Variants in CATSPERT observed in about 807,000 individuals in gnomAD.
CATSPERT encodes cation channel sperm-associated targeting subunit tau.
At chr2:201,522,667 G>C in the CATSPERT span, among the ~76,000 whole-genome samples, 5 of 152,336 alleles carry the variant, frequency 3.3e-5, no homozygotes, top group East Asian at 9.7e-4. Context: ...ATTTGAGCTG[G>C]CAGGGAGAGC....
At chr2:201,581,546 GTGTATATATATATATATATA>G in the CATSPERT span, among the ~76,000 whole-genome samples, 1 of 14,724 alleles carries the variant, frequency 6.8e-5, no homozygotes, top group Non-Finnish European at 1.2e-4. Flanking sequence ...AAAAAAATGT[GTGTATATATATATATATATA>G]TATATATATA....
chr2:201,535,661 A>C, the CATSPERT span: 1 of 1,179,668 alleles, frequency 8.5e-7, no homozygotes, highest in Non-Finnish European at 1.0e-6. Context: ...TTTTCTTGAA[A>C]GTTTTTTATC....
chr2:201,613,976 G>A, the CATSPERT span, among the ~76,000 whole-genome samples: 2 of 152,130 alleles, frequency 1.3e-5, no homozygotes, highest in South Asian at 2.1e-4. Context: ...AAGATCAAAT[G>A]AATGAAATGA....
the CATSPERT span, among the ~76,000 whole-genome samples, chr2:201,533,483 T>C: frequency 6.6e-6 from 1 of 152,194 alleles, no homozygotes; most frequent in African/African-American, 2.4e-5. Context: ...TCTGTTCCAA[T>C]TTTCCTGTTC....
chr2:201,506,786 G>A, the CATSPERT span, among the ~76,000 whole-genome samples: 1 of 152,130 alleles, frequency 6.6e-6, no homozygotes, highest in Non-Finnish European at 1.5e-5. Context: ...ATCTCCTGAT[G>A]TCGTGATCCC....
chr2:201,527,831 T>G, the CATSPERT span, among the ~76,000 whole-genome samples: 107 of 152,020 alleles, frequency 7.0e-4, 1 homozygote, highest in Non-Finnish European at 8.8e-5. Flanking sequence ...GAAACACCAT[T>G]CTGGACATAG....
the CATSPERT span, among the ~76,000 whole-genome samples, chr2:201,568,292 G>A: frequency 2.6e-5 from 4 of 152,008 alleles, no homozygotes; most frequent in South Asian, 2.1e-4. Flanking sequence ...TCAATAAAAC[G>A]GACCAGTCTG....
At chr2:201,586,897 C>T in the CATSPERT span, among the ~76,000 whole-genome samples, 1 of 151,988 alleles carries the variant, frequency 6.6e-6, no homozygotes, top group Admixed American at 6.6e-5. Flanking sequence ...GTTTTACTGT[C>T]ATTTTCTAAG....
chr2:201,595,569 C>A, the CATSPERT span, among the ~76,000 whole-genome samples: 1 of 152,112 alleles, frequency 6.6e-6, no homozygotes, highest in Non-Finnish European at 1.5e-5. Flanking sequence ...CAGTCTGCCC[C>A]TGCTGGGGAG....
chr2:201,603,480 T>C, the CATSPERT span, among the ~76,000 whole-genome samples: 1 of 152,272 alleles, frequency 6.6e-6, no homozygotes, highest in Non-Finnish European at 1.5e-5. Flanking sequence ...GCAGGCCACA[T>C]TCAAAGTAAA....
At chr2:201,565,828 G>T in the CATSPERT span, 3 of 1,611,230 alleles carry the variant, frequency 1.9e-6, no homozygotes, top group African/African-American at 2.7e-5. Flanking sequence ...CAGGTCTGGG[G>T]ATAAGAATGC....
chr2:201,568,892 A>G, the CATSPERT span, among the ~76,000 whole-genome samples: 2 of 152,212 alleles, frequency 1.3e-5, no homozygotes, highest in African/African-American at 4.8e-5. Context: ...GAACCAGGGA[A>G]ATAACCACTG....
the CATSPERT span, among the ~76,000 whole-genome samples, chr2:201,574,790 T>C: frequency 2.0e-5 from 3 of 152,100 alleles, no homozygotes; most frequent in Non-Finnish European, 4.4e-5. Context: ...AGCCCCTGTT[T>C]TGGCCACTGG....
the CATSPERT span, among the ~76,000 whole-genome samples, chr2:201,551,776 T>C: frequency 2.4e-4 from 36 of 152,098 alleles, no homozygotes; most frequent in African/African-American, 7.9e-4. Flanking sequence ...GGCATGGTGG[T>C]GCATGCCTGT....
At chr2:201,520,794 C>G in the CATSPERT span, among the ~76,000 whole-genome samples, 1 of 150,592 alleles carries the variant, frequency 6.6e-6, no homozygotes, top group Admixed American at 6.7e-5. Flanking sequence ...GAGGCTGAGG[C>G]AAGAGAATCG....
chr2:201,522,684 G>C, the CATSPERT span, among the ~76,000 whole-genome samples: 1 of 152,220 alleles, frequency 6.6e-6, no homozygotes, highest in East Asian at 1.9e-4. Flanking sequence ...GAGCTGCTTG[G>C]AGAGTTGGCA....
the CATSPERT span, chr2:201,537,404 A>G: frequency 9.9e-6 from 15 of 1,515,062 alleles, no homozygotes; most frequent in African/African-American, 1.9e-4. Flanking sequence ...TAAAATAATG[A>G]CTATTAAAAG....
the CATSPERT span, among the ~76,000 whole-genome samples, chr2:201,588,261 T>G: frequency 6.6e-6 from 1 of 151,992 alleles, no homozygotes; most frequent in Non-Finnish European, 1.5e-5. Flanking sequence ...ACTGGCAAAC[T>G]GAATTTAGCA....
the CATSPERT span, among the ~76,000 whole-genome samples, chr2:201,561,831 G>A: frequency 4.0e-5 from 6 of 150,998 alleles, no homozygotes; most frequent in South Asian, 2.1e-4. Context: ...CCAAGATCAC[G>A]CCACTGCACT....
Sources: allele counts gnomAD v4.1 joint callset (sites outside exome capture counted in the v4.1 genomes callset), GRCh38; gene constraint gnomAD v4.1.1; transcripts MANE v1.5; gene names NCBI Gene and HGNC (gene_info 2026-07-23, HGNC 2026-07-21).